Variants in GCFC2 observed in about 807,000 individuals in gnomAD.
The protein encoded by GCFC2 is intron Large complex component GCFC2.
A neutral mutation model predicts 99.4 loss-of-function variants in GCFC2; 102 were observed. The observed-to-expected ratio is 1.03, with a 90% CI of 0.87 to 1.21. The LOEUF is 1.21. Among genes scored for constraint, GCFC2 ranks in the 50% most tolerant of loss-of-function variants. The probability of loss-of-function intolerance (pLI) is 0.00; values close to 1 mark genes in which losing one functional copy is unlikely to be tolerated. For synonymous variants in GCFC2, 338 were observed against 316.8 expected, an observed-to-expected ratio of 1.07 and a Z score of -0.71; for missense variants, 973 against 920.9, an observed-to-expected ratio of 1.06 and a Z score of -0.73.
intron 15 of GCFC2, among the ~76,000 whole-genome samples, chr2:75,666,839 G>A (rs1204057108): frequency 6.6e-6 from 1 of 152,070 alleles, no homozygotes; most frequent in Non-Finnish European, 1.5e-5. Context: ...CTTGAGGTCC[G>A]AAAACGAGAT....
chr2:75,711,324 A>G (rs1681174724), upstream of GCFC2: 1 of 432,432 alleles, frequency 2.3e-6, no homozygotes, highest in African/African-American at 2.1e-5. Context: ...GGGTAGGAGG[A>G]GATGCCTTTG....
upstream of GCFC2, among the ~76,000 whole-genome samples, chr2:75,712,708 G>T (rs1681239226): frequency 6.6e-6 from 1 of 151,910 alleles, no homozygotes; most frequent in African/African-American, 2.4e-5. Context: ...CTTCATTCCT[G>T]AGCCCAGCGA....
chr2:75,693,764 C>A (rs928854367), intron 6 of GCFC2, among the ~76,000 whole-genome samples: 3 of 151,870 alleles, frequency 2.0e-5, no homozygotes, highest in African/African-American at 2.4e-5. Flanking sequence ...CCACTAAGAA[C>A]CACAAAGATA....
intron 14 of GCFC2, among the ~76,000 whole-genome samples, chr2:75,671,581 T>A (rs921144076): frequency 2.0e-5 from 3 of 152,188 alleles, no homozygotes; most frequent in African/African-American, 7.2e-5. Context: ...GTTAGCCAAC[T>A]ATATAGCTTG....
intron 1 of GCFC2, 68 bp downstream of exon 1, chr2:75,710,523 C>T (rs1375035073): frequency 1.4e-6 from 2 of 1,426,272 alleles, no homozygotes; most frequent in Non-Finnish European, 9.1e-7. Flanking sequence ...GAGAAGGATC[C>T]AGAGACCCCG....
chr2:75,670,007 G>A (rs1679019006), intron 15 of GCFC2, 131 bp downstream of exon 15: 2 of 567,564 alleles, frequency 3.5e-6, no homozygotes, highest in Admixed American at 2.9e-5. Context: ...TTACAGGCAT[G>A]AGCCACTGTG....
intron 1 of GCFC2, among the ~76,000 whole-genome samples, chr2:75,709,330 T>C (rs192400519): frequency 2.0e-5 from 3 of 152,290 alleles, no homozygotes; most frequent in Admixed American, 2.0e-4. Flanking sequence ...CTACAAAGTT[T>C]AACCAGAAAA....
In GCFC2 at chr2:75,687,922, A is replaced by T. The variant is rs1679893341; in HGVS notation, c.1595T>A (p.Met532Lys). 1 of 1,601,658 alleles carries T rather than the reference A, an allele frequency of 6.2e-7. No homozygotes were observed. Among genetic ancestry groups the T allele is most frequent in the African/African-American group, 1.3e-5 (1 of 74,400 alleles). Reference protein sequence around the residue: ...MPWFKSVEEFMDSSVEDSKKE... With the variant: ...MPWFKSVEEFKDSSVEDSKKE... ...CTTTGAATCTTCCACACTGCTATCC[A>T]TAAATTCTTCTACAGATTTGAACCA... Residue 532 changes from methionine (M) to lysine (K), a missense_variant, in exon 11 of 17, where the codon ATG (methionine) becomes AAG (lysine). Coordinates refer to ENST00000321027, the MANE Select transcript of GCFC2 (RefSeq NM_003203.5).
upstream of GCFC2, among the ~76,000 whole-genome samples, chr2:75,711,467 A>G (rs1323257477): frequency 6.6e-6 from 1 of 152,270 alleles, no homozygotes; most frequent in Non-Finnish European, 1.5e-5. Context: ...ATCTAAAAAC[A>G]AAAAGCTATT....
At chr2:75,681,938 C>T (rs1346078368) in intron 11 of GCFC2, among the ~76,000 whole-genome samples, 2 of 151,880 alleles carry the variant, frequency 1.3e-5, no homozygotes, top group East Asian at 3.9e-4. Flanking sequence ...AAGCCAGCAG[C>T]CCCAGTCAGG....
chr2:75,706,076 A>G (rs1680850090), intron 2 of GCFC2, among the ~76,000 whole-genome samples: 1 of 152,258 alleles, frequency 6.6e-6, no homozygotes, highest in Non-Finnish European at 1.5e-5. Flanking sequence ...TAAGCCCTGT[A>G]TAATCTGACT....
At chr2:75,670,053 T>C (rs2104205518) in intron 15 of GCFC2, 85 bp downstream of exon 15, 3 of 878,118 alleles carry the variant, frequency 3.4e-6, no homozygotes, top group Non-Finnish European at 1.8e-6. Flanking sequence ...TACCACACAT[T>C]TAATTATTTT....
chr2:75,670,608 AC>A (rs1679054891), intron 14 of GCFC2: 1 of 181,694 alleles, frequency 5.5e-6, no homozygotes, highest in Non-Finnish European at 1.2e-5. Flanking sequence ...AGACCACAGG[AC>A]CACGTGATTC....
intron 12 of GCFC2, among the ~76,000 whole-genome samples, chr2:75,677,343 T>C (rs995168172): frequency 6.6e-6 from 1 of 152,240 alleles, no homozygotes; most frequent in Non-Finnish European, 1.5e-5. Flanking sequence ...CTTTCATCAC[T>C]GAAGAAATGG....
rs544097418 is a variant in GCFC2, at chr2:75,709,629, C to T, written c.265+962G>A. ...ATTAGACAAGAGGAATTCTATTCTACAACACGGTGACTAAAATTAATAACA... is the reference window on the plus strand; with the variant it reads ...ATTAGACAAGAGGAATTCTATTCTATAACACGGTGACTAAAATTAATAACA... On this transcript the variant is annotated intron_variant, in intron 1 of 16. Transcript: ENST00000321027. 7.2e-5 allele frequency among the ~76,000 whole-genome samples: 11 copies of T among 152,202 alleles called. No homozygotes were observed. The East Asian group carries it at 2.1e-3, about 29-fold the overall frequency.
chr2:75,675,671 G>A (rs1234535312), intron 12 of GCFC2, among the ~76,000 whole-genome samples: 1 of 150,548 alleles, frequency 6.6e-6, no homozygotes, highest in East Asian at 1.9e-4. Context: ...TTGAACACAG[G>A]AGGTGGAGGT....
chr2:75,691,042 G>C (rs1680045208), intron 7 of GCFC2, among the ~76,000 whole-genome samples: 1 of 152,004 alleles, frequency 6.6e-6, no homozygotes, highest in Non-Finnish European at 1.5e-5. Flanking sequence ...TTTTTCCATA[G>C]CCAAATGCAA....
chr2:75,665,830 T>A, intron 16 of GCFC2, 99 bp downstream of exon 16: 1 of 741,840 alleles, frequency 1.3e-6, no homozygotes, highest in African/African-American at 1.8e-5. Flanking sequence ...TAACAAATTT[T>A]TAAAAGTACA....
At chr2:75,690,513 T>C (rs1243037564) in intron 8 of GCFC2, 125 bp downstream of exon 8, 3 of 649,382 alleles carry the variant, frequency 4.6e-6, no homozygotes, top group Non-Finnish European at 8.0e-6. Context: ...TGCTTTTCTA[T>C]TATTCTTACA....
Sources: allele counts gnomAD v4.1 joint callset (sites outside exome capture counted in the v4.1 genomes callset), GRCh38; gene constraint gnomAD v4.1.1; transcripts MANE v1.5; gene names NCBI Gene and HGNC (gene_info 2026-07-23, HGNC 2026-07-21).